The following PALM2AKAP2 variants were observed in gnomAD, a reference collection of about 807,000 sequenced individuals.
The protein encoded by PALM2AKAP2 is PALM2-AKAP2 fusion protein.
In PALM2AKAP2, 37 loss-of-function variants were observed where a neutral mutation model predicts 71.5. The observed-to-expected ratio is 0.52, with a 90% confidence interval of 0.40 to 0.68. PALM2AKAP2 has a LOEUF of 0.68. Ranked by LOEUF, PALM2AKAP2 falls within the 30% of genes least tolerant of loss-of-function variation. The pLI, the probability that PALM2AKAP2 is intolerant of heterozygous loss-of-function variation, is 0.00. For synonymous variants in PALM2AKAP2, 468 were observed against 478.8 expected (o/e 0.98, Z 0.29); for missense variants, 1,224 against 1,191.8 (o/e 1.03, Z -0.40).
rs530173236 is a variant in PALM2AKAP2 at position 109,702,283 on chromosome 9, T to C, written c.5+61417T>C. Among the ~76,000 whole-genome samples, 337 of 152,242 alleles carry C rather than the reference T, an allele frequency of 2.2e-3. 1 individual carries two copies. The highest frequency in any genetic ancestry group is 7.6e-3 in the African/African-American group (316 of 41,552). ...TATAAATCATGCTGCTATAAAGACATATGCACACGTATGTTTTATTGTGGC... is the reference window on the plus strand; with the variant it reads ...TATAAATCATGCTGCTATAAAGACACATGCACACGTATGTTTTATTGTGGC... On this transcript the variant is annotated intron_variant, in intron 1 of 6. Coordinates refer to the PALM2AKAP2 transcript ENST00000374531.
At chr9:110,074,202 A>G (rs1461388929) in intron 1 of PALM2AKAP2, among the ~76,000 whole-genome samples, 1 of 152,222 alleles carries the variant, frequency 6.6e-6, no homozygotes, top group Non-Finnish European at 1.5e-5. Flanking sequence ...GAAGTCCCAA[A>G]TTAGCTGGGC....
intron 3 of PALM2AKAP2, among the ~76,000 whole-genome samples, chr9:110,162,837 G>C (rs78387366): frequency 6.6e-6 from 1 of 151,986 alleles, no homozygotes; most frequent in South Asian, 2.1e-4. Flanking sequence ...CAAAGAGCTG[G>C]AACTACTGGT....
Position 109,886,232 on chromosome 9 carries a change from C to T in PALM2AKAP2, c.257+5551C>T, listed in dbSNP as rs189231285. Among the ~76,000 whole-genome samples, 436 of 152,228 alleles carry T rather than the reference C, an allele frequency of 2.9e-3. 3 individuals are homozygous for T. Among genetic ancestry groups the T allele is most frequent in the Non-Finnish European group, 4.6e-3 (311 of 68,018 alleles). On this transcript the variant is annotated intron_variant, in intron 3 of 9. Coordinates refer to the PALM2AKAP2 transcript ENST00000302798. ...CTTGGGCCCATTGCCAGCCATTGTCCGTGCCATTATTGTGTGTGGTGGGTC... is the reference window on the plus strand; with the variant it reads ...CTTGGGCCCATTGCCAGCCATTGTCTGTGCCATTATTGTGTGTGGTGGGTC...
rs1829221984 is a variant in PALM2AKAP2 at position 109,769,491 on chromosome 9, T to C, written c.6-10997T>C. Among the ~76,000 whole-genome samples, 3 of 152,280 alleles carry C rather than the reference T, an allele frequency of 2.0e-5. No individual in the cohort carries two copies. In the South Asian group the frequency reaches 6.2e-4, roughly 32 times the overall value. On this transcript the variant is annotated intron_variant, in intron 1 of 6. Transcript: ENST00000374531. ...GGCTTGCACCAACCTAACAGTGTCT[T>C]TAAATCAGCGACAGACTGTTTTCCT...
chr9:109,984,628 A>C (rs1310995361), intron 6 of PALM2AKAP2, among the ~76,000 whole-genome samples: 1 of 151,852 alleles, frequency 6.6e-6, no homozygotes, highest in Non-Finnish European at 1.5e-5. Flanking sequence ...AGGCCAAGGC[A>C]GGAGGATTGC....
At chr9:109,654,642 A>T (rs1214120340) in intron 1 of PALM2AKAP2, among the ~76,000 whole-genome samples, 1 of 152,102 alleles carries the variant, frequency 6.6e-6, no homozygotes, top group African/African-American at 2.4e-5. Flanking sequence ...TTGAAATTAA[A>T]AGCATTTTGT....
intron 1 of PALM2AKAP2, among the ~76,000 whole-genome samples, chr9:109,797,652 T>C (rs1045623407): frequency 1.1e-4 from 17 of 152,320 alleles, no homozygotes; most frequent in African/African-American, 4.1e-4. Context: ...GTTGCACACC[T>C]TGGCTGTGAA....
At chr9:109,862,489 T>A (rs1829339010) in intron 1 of PALM2AKAP2, among the ~76,000 whole-genome samples, 1 of 148,188 alleles carries the variant, frequency 6.7e-6, no homozygotes, top group African/African-American at 2.4e-5. Flanking sequence ...TTAATCCTAG[T>A]GGTATGTTTT....
intron 1 of PALM2AKAP2, among the ~76,000 whole-genome samples, chr9:110,093,673 C>G (rs1028080796): frequency 6.6e-6 from 1 of 152,186 alleles, no homozygotes; most frequent in Non-Finnish European, 1.5e-5. Flanking sequence ...CCATCTCCCT[C>G]TCCAGGCTCA....
chr9:110,113,998 T>G (rs1487634788), intron 1 of PALM2AKAP2, among the ~76,000 whole-genome samples: 1 of 152,256 alleles, frequency 6.6e-6, no homozygotes, highest in Non-Finnish European at 1.5e-5. Context: ...CTTCACATTC[T>G]GTCCTCTTGG....
At position 110,136,509 on chromosome 9, in the gene PALM2AKAP2, GC is replaced by G; in HGVS notation, c.545del (p.Pro182LeufsTer81). On this transcript the variant is annotated frameshift_variant, in exon 2 of 4. Transcript: ENST00000374525. LOFTEE classifies it high-confidence loss of function. ...GCAGTGGTTCTGGTGGGCGGCCTAAGCCCCCCTGTCCACGAGGCGACCCAGC... is the reference window on the plus strand; with the variant it reads ...GCAGTGGTTCTGGTGGGCGGCCTAAGCCCCCTGTCCACGAGGCGACCCAGC... 1.2e-6 allele frequency: 2 copies of G among 1,613,906 alleles called. No individual in the cohort carries two copies. The highest frequency in any genetic ancestry group is 1.7e-6 in the Non-Finnish European group (2 of 1,180,036).
chr9:109,963,872 C>T (rs1004331626), intron 6 of PALM2AKAP2, among the ~76,000 whole-genome samples: 21 of 152,198 alleles, frequency 1.4e-4, no homozygotes, highest in Non-Finnish European at 1.9e-4. Context: ...GTGGATGGAC[C>T]TTTGAGGTGC....
intron 1 of PALM2AKAP2, among the ~76,000 whole-genome samples, chr9:109,813,180 A>G (rs1564160443): frequency 6.6e-6 from 1 of 152,232 alleles, no homozygotes; most frequent in Admixed American, 6.5e-5. Flanking sequence ...GTGGCAGACT[A>G]TCAATGACCT....
At chr9:109,789,706 A>G (rs1270820347) in intron 1 of PALM2AKAP2, among the ~76,000 whole-genome samples, 1 of 152,224 alleles carries the variant, frequency 6.6e-6, no homozygotes, top group African/African-American at 2.4e-5. Context: ...AAGGTTGCTC[A>G]TAAGTGCTCT....
chr9:110,009,362 G>A (rs986592686), intron 6 of PALM2AKAP2, among the ~76,000 whole-genome samples: 6 of 152,114 alleles, frequency 3.9e-5, no homozygotes, highest in Non-Finnish European at 7.4e-5. Context: ...GCTTCACCAG[G>A]TCTCTTTAGC....
At chr9:109,940,588 G>A (rs185146764) in intron 6 of PALM2AKAP2, among the ~76,000 whole-genome samples, 46 of 152,198 alleles carry the variant, frequency 3.0e-4, no homozygotes, top group Non-Finnish European at 6.0e-4. Flanking sequence ...TTAACACAGG[G>A]AACTTATTCA....
intron 1 of PALM2AKAP2, among the ~76,000 whole-genome samples, chr9:109,705,981 G>GA (rs1339182282): frequency 1.3e-5 from 2 of 152,114 alleles, no homozygotes; most frequent in Non-Finnish European, 2.9e-5. Context: ...GAGGAGAGAA[G>GA]AAAAGAAGGA....
intron 1 of PALM2AKAP2, among the ~76,000 whole-genome samples, chr9:110,066,885 C>T (rs1463300170): frequency 1.3e-5 from 2 of 152,048 alleles, no homozygotes; most frequent in Non-Finnish European, 2.9e-5. Context: ...TGCAGGTATT[C>T]ATGATGCCTG....
chr9:109,950,688 A>AC (rs1348428708), intron 6 of PALM2AKAP2, among the ~76,000 whole-genome samples: 5 of 152,182 alleles, frequency 3.3e-5, no homozygotes, highest in Non-Finnish European at 7.4e-5. Flanking sequence ...AAGAGAAATA[A>AC]CCCCTCTGGT....
Sources: allele counts gnomAD v4.1 joint callset (sites outside exome capture counted in the v4.1 genomes callset), GRCh38; gene constraint gnomAD v4.1.1; transcripts MANE v1.5; gene names NCBI Gene and HGNC (gene_info 2026-07-23, HGNC 2026-07-21).